Variants in MYH8 observed in about 807,000 individuals in gnomAD.
The protein encoded by MYH8 is myosin-8.
Under a neutral mutation model 233.2 loss-of-function variants are expected in MYH8, and 168 were observed. The observed-to-expected ratio is 0.72, with a 90% CI of 0.64 to 0.82. The LOEUF is 0.82. Ranked by LOEUF, MYH8 falls within the 40% of genes least tolerant of loss-of-function variation. The probability of loss-of-function intolerance (pLI) is 0.00; values close to 1 mark genes in which losing one functional copy is unlikely to be tolerated. For synonymous variants in MYH8, 785 were observed against 850.6 expected (o/e 0.92, Z 1.34); for missense variants, 1,995 against 2,327.8 (o/e 0.86, Z 2.94).
chr17:10,412,615 G>T lies in MYH8; in HGVS notation c.1261C>A (p.Gln421Lys). Residue 421 changes from glutamine (Q) to lysine (K), a missense_variant, in exon 13 of 40, where the codon CAG (glutamine) becomes AAG (lysine). Gln to Lys is a moderately conservative substitution (Grantham distance 53). Around this residue, in one of 3 missense-constraint regions of MYH8, gnomAD observed 479 missense variants for 600.9 expected, o/e 0.80. Coordinates refer to ENST00000403437, the MANE Select transcript of MYH8 (RefSeq NM_002472.3). ...NEYVTKGQTVQQVYNAVGALA... is the reference protein window; with the variant it reads ...NEYVTKGQTVKQVYNAVGALA... Reference sequence around the variant, plus strand: ...CATTGAGGTCATGCACTTACCTGCTGCACAGTCTGGCCTTTGGTGACATAC... The same window carrying T: ...CATTGAGGTCATGCACTTACCTGCTTCACAGTCTGGCCTTTGGTGACATAC... The T allele has an allele frequency of 6.2e-7, 1 of 1,614,228 alleles. No homozygotes were observed. Among genetic ancestry groups the T allele is most frequent in the Non-Finnish European group, 8.5e-7 (1 of 1,180,030 alleles).
rs780104656 is a variant in MYH8 at position 10,400,758 on chromosome 17, C to T, written c.3367G>A (p.Glu1123Lys). 21 of 1,614,150 alleles carry T rather than the reference C, an allele frequency of 1.3e-5. No homozygotes were observed. The Admixed American group carries it at 3.3e-4, about 26-fold the overall frequency. Residue 1123 changes from glutamate to lysine, a missense_variant, in exon 27 of 40, where the codon GAA (glutamate) becomes AAA (lysine). Glu to Lys is a moderately conservative substitution (Grantham distance 56). Transcript: ENST00000403437. The surrounding 1 kb of genome is among the most constrained non-coding windows in gnomAD (Gnocchi z 4.0). Reference protein sequence around the residue: ...ELQARIEELGEEIEAERASRA... With the variant: ...ELQARIEELGKEIEAERASRA... ...GACGCCCTCTCTGCCTCGATTTCTT[C>T]CCCCAGCTCCTCAATGCGGGCCTGG...
Position 10,394,260 on chromosome 17 carries a change from G to T in MYH8, c.5155C>A (p.Leu1719Ile), listed in dbSNP as rs766719917. The T allele has an allele frequency of 6.2e-7, 1 of 1,613,888 alleles. No individual in the cohort carries two copies. The highest frequency in any genetic ancestry group is 8.5e-7 in the Non-Finnish European group (1 of 1,179,880). ...TGTGAGGGTCTCACCTGGGTGTGGA[G>T]GAGCTGGACACGCTCACTGGCATCC... is the stretch of plus-strand genomic sequence containing the variant. ...LLDASERVQL[L>I]HTQNTSLINT... The change falls in exon 35 of 40, where the codon CTC becomes ATC. Residue 1719 changes from leucine to isoleucine, a missense_variant. This residue lies in a region of MYH8 where 1,498 missense variants were observed against 1,680.9 expected (regional missense o/e 0.89). Coordinates refer to ENST00000403437, the MANE Select transcript of MYH8 (RefSeq NM_002472.3).
rs550658623 is a variant in MYH8, at chr17:10,391,824, AAC to A, written c.5664+56_5664+57del. ...CTTCCTTATTGACGCATTCTCTTAA[AAC>A]ACTTTCTACTGCAAAAGAAATTTCC... On this transcript the variant is annotated intron_variant, in intron 39 of 39. Coordinates refer to ENST00000403437, the MANE Select transcript of MYH8 (RefSeq NM_002472.3). 7.8e-4 allele frequency: 1,059 copies of A among 1,364,050 alleles called. 11 individuals carry two copies. In the South Asian group the frequency reaches 0.012, roughly 15 times the overall value. 84.5% of individuals were successfully genotyped at this position (1,364,050 alleles called of 1,614,324 possible).
At chr17:10,399,259 G>GTGTC (rs1330428422) in intron 28 of MYH8, among the ~76,000 whole-genome samples, 3 of 151,684 alleles carry the variant, frequency 2.0e-5, no homozygotes, top group Non-Finnish European at 4.4e-5. Flanking sequence ...CTGTGTGTGT[G>GTGTC]TGTGTGTGTC....
At chr17:10,403,897 A>G (rs2072163701) in intron 22 of MYH8, among the ~76,000 whole-genome samples, 1 of 152,198 alleles carries the variant, frequency 6.6e-6, no homozygotes, top group African/African-American at 2.4e-5. Flanking sequence ...CATTAAATAC[A>G]GATAGATTTA....
intron 30 of MYH8, 90 bp downstream of exon 30, chr17:10,398,354 A>G: frequency 6.3e-7 from 1 of 1,592,196 alleles, no homozygotes. Context: ...GCACTCAATA[A>G]ATGTTAGCTT....
intron 2 of MYH8, among the ~76,000 whole-genome samples, chr17:10,421,300 A>G (rs1164656734): frequency 6.6e-6 from 1 of 152,170 alleles, no homozygotes; most frequent in Non-Finnish European, 1.5e-5. Flanking sequence ...CTAGGTAAAA[A>G]TCTTTCTGGA....
chr17:10,400,450 A>C lies in MYH8; in HGVS notation c.3675T>G (p.Ser1225Arg), dbSNP rs1470274648. The stretch of plus-strand genomic sequence containing the variant: ...GGTCATCAGTCTCCATCTTCAGCTC[A>C]CTCTTCTCCTTCTCCAGCTTCTGTT... ...RVKQKLEKEK[S>R]ELKMETDDLS... The change falls in exon 27 of 40, where the codon AGT becomes AGG. Residue 1225 changes from serine to arginine, a missense_variant. This residue lies in a region of MYH8 where 1,498 missense variants were observed against 1,680.9 expected (regional missense o/e 0.89). Transcript: ENST00000403437. The surrounding 1 kb of genome is among the most constrained non-coding windows in gnomAD (Gnocchi z 4.0). 1 of 1,613,472 alleles carries C rather than the reference A, an allele frequency of 6.2e-7. No homozygotes were observed. The highest frequency in any genetic ancestry group is 1.1e-5 in the South Asian group (1 of 91,038).
rs2072192133 is a variant in MYH8 at position 10,406,264 on chromosome 17, A to G, written c.2295+10T>C. On this transcript the variant is annotated intron_variant, in intron 20 of 39. Transcript: ENST00000403437. ...GTACTTGGATCAGGTGTAAATAAAT[A>G]ACGATATACCTTGGTATGTCCAAAT... is the stretch of plus-strand genomic sequence containing the variant. 6.2e-7 allele frequency: 1 copy of G among 1,613,976 alleles called. No homozygotes were observed. Among genetic ancestry groups the G allele is most frequent in the Admixed American group, 1.7e-5 (1 of 60,008 alleles).
chr17:10,407,300 T>C (rs917729329), intron 17 of MYH8, among the ~76,000 whole-genome samples: 2 of 152,206 alleles, frequency 1.3e-5, no homozygotes, highest in Non-Finnish European at 2.9e-5. Flanking sequence ...CATGATGGCT[T>C]TGCTATGCCA....
Position 10,406,036 on chromosome 17 carries a change from G to A in MYH8, c.2432+5C>T. On this transcript the variant is annotated splice_donor_5th_base_variant and intron_variant, in intron 21 of 39. Coordinates refer to ENST00000403437, the MANE Select transcript of MYH8 (RefSeq NM_002472.3). ...TATAATTCTGATATTCTGAATGATT[G>A]TTACCTCCTTTGCAACATCTTCTGA... 1 of 1,613,562 alleles carries A rather than the reference G, an allele frequency of 6.2e-7. No individual in the cohort carries two copies. Among genetic ancestry groups the A allele is most frequent in the Non-Finnish European group, 8.5e-7 (1 of 1,179,734 alleles).
rs2072190009 is a variant in MYH8 at position 10,406,090 on chromosome 17, A to G, written c.2383T>C (p.Cys795Arg). Reference sequence around the variant, plus strand: ...TCTACCCTCATTAGGAATCCCCTACAGACAGCTTGTGTTCTTGTTATAATT... The same window carrying G: ...TCTACCCTCATTAGGAATCCCCTACGGACAGCTTGTGTTCTTGTTATAATT... ...AQIITRTQAVCRGFLMRVEYQ... is the reference protein window; with the variant it reads ...AQIITRTQAVRRGFLMRVEYQ... Residue 795 changes from cysteine (C) to arginine (R), a missense_variant, in exon 21 of 40, where the codon TGT (cysteine) becomes CGT (arginine). Transcript: ENST00000403437. The G allele has an allele frequency of 6.2e-7, 1 of 1,614,100 alleles. No homozygotes were observed.
chr17:10,399,853 A>G (rs906017518), intron 27 of MYH8, among the ~76,000 whole-genome samples, 184 bp from the exon 28 acceptor site: 2 of 152,236 alleles, frequency 1.3e-5, no homozygotes, highest in Non-Finnish European at 2.9e-5. Context: ...TAAACTGGTC[A>G]TTGTTGGAGA....
At chr17:10,393,257 CTT>C in intron 35 of MYH8, 47 bp from the exon 36 acceptor site, 3 of 1,613,148 alleles carry the variant, frequency 1.9e-6, no homozygotes, top group Non-Finnish European at 2.5e-6. Context: ...AGTTTGCCCT[CTT>C]GGGATTTTAC....
chr17:10,401,382 CCTT>C lies in MYH8; in HGVS notation c.2998_3000del (p.Lys1000del). ...GTCTGCTGGTGGGTCTCTTGGAGAG[CCTT>C]CTTCTCCTTGGACAGTTTTGCAATG... On this transcript the variant is annotated inframe_deletion, in exon 24 of 40. Coordinates refer to ENST00000403437, the MANE Select transcript of MYH8 (RefSeq NM_002472.3). 2.5e-6 allele frequency: 4 copies of C among 1,613,980 alleles called. No individual in the cohort carries two copies. The highest frequency in any genetic ancestry group is 3.4e-6 in the Non-Finnish European group (4 of 1,180,016).
chr17:10,393,830 CA>C (rs1312000122), intron 35 of MYH8, among the ~76,000 whole-genome samples: 2 of 152,100 alleles, frequency 1.3e-5, no homozygotes, highest in Non-Finnish European at 2.9e-5. Flanking sequence ...GGACAGTGAA[CA>C]CAGCAGTGCT....
chr17:10,396,351 C>T lies in MYH8; in HGVS notation c.4632G>A (p.Gln1544=), dbSNP rs199814495. 5.6e-6 allele frequency: 9 copies of T among 1,613,928 alleles called. No homozygotes were observed. Among genetic ancestry groups the T allele is most frequent in the Non-Finnish European group, 7.6e-6 (9 of 1,180,024 alleles). The change falls in exon 33 of 40, where the codon CAG becomes CAA. Residue 1544 remains glutamine, a synonymous_variant. Transcript: ENST00000403437. This position sits in a 1 kb window ranked among gnomAD's most constrained non-coding sequence, Gnocchi z 4.2. ...KQVEQEKCEI[Q]AALEEAEASL... ...GTACCTCTGCTTCCTCTAAAGCAGCCTGAATTTCACATTTCTCTTGTTCTA... is the reference window on the plus strand; with the variant it reads ...GTACCTCTGCTTCCTCTAAAGCAGCTTGAATTTCACATTTCTCTTGTTCTA...
chr17:10,409,327 T>C lies in MYH8; in HGVS notation c.1849A>G (p.Met617Val), dbSNP rs1420925722. ...TVVGLYQKSAMKTLASLFSTY... is the reference protein window; with the variant it reads ...TVVGLYQKSAVKTLASLFSTY... ...GAAAAGAGACTGGCTAGAGTCTTCATTGCAGACTTCTGGTACAGCCCAACC... is the reference window on the plus strand; with the variant it reads ...GAAAAGAGACTGGCTAGAGTCTTCACTGCAGACTTCTGGTACAGCCCAACC... Residue 617 changes from methionine (M) to valine (V), a missense_variant, in exon 16 of 40, where the codon ATG becomes GTG. Physicochemically the swap from Met to Val is conservative, Grantham distance 21 (BLOSUM62 1). Coordinates refer to ENST00000403437, the MANE Select transcript of MYH8 (RefSeq NM_002472.3). The C allele has an allele frequency of 6.2e-6, 10 of 1,614,140 alleles. No homozygotes were observed. Among genetic ancestry groups the C allele is most frequent in the African/African-American group, 4.0e-5 (3 of 74,950 alleles).
At chr17:10,414,946 A>T (rs2072276041) in intron 9 of MYH8, among the ~76,000 whole-genome samples, 170 bp downstream of exon 9, 1 of 152,228 alleles carries the variant, frequency 6.6e-6, no homozygotes, top group Non-Finnish European at 1.5e-5. Context: ...TGAGATTGAG[A>T]TAAAGGGAGC....
Sources: allele counts gnomAD v4.1 joint callset (sites outside exome capture counted in the v4.1 genomes callset), GRCh38; gene constraint gnomAD v4.1.1; regional missense constraint gnomAD v4.1.1; non-coding constraint Gnocchi (gnomAD v3.1); transcripts MANE v1.5; gene names NCBI Gene and HGNC (gene_info 2026-07-23, HGNC 2026-07-21).